Variants in HECW1 observed in about 807,000 individuals in gnomAD.
HECW1 encodes HECT, C2 and WW domain containing E3 ubiquitin protein ligase 1.
Under a neutral mutation model 182.3 loss-of-function variants are expected in HECW1, and 61 were observed. That is an observed-to-expected ratio of 0.33 (90% confidence interval 0.27 to 0.41). HECW1 has a LOEUF of 0.41. HECW1 is among the 10% of genes least tolerant of loss of function. HECW1 has a pLI of 1.00. For synonymous variants in HECW1, 859 were observed against 832.6 expected, an observed-to-expected ratio of 1.03 and a Z score of -0.55; for missense variants, 1,739 against 2,108.9, an observed-to-expected ratio of 0.82 and a Z score of 3.44.
At chr7:43,259,048 A>G (rs1175641267) in intron 3 of HECW1, among the ~76,000 whole-genome samples, 2 of 152,244 alleles carry the variant, frequency 1.3e-5, no homozygotes, top group Non-Finnish European at 2.9e-5. Flanking sequence ...CAAGGAAAAC[A>G]AAACAAACAA....
intron 21 of HECW1, among the ~76,000 whole-genome samples, chr7:43,503,231 G>A (rs1288355421): frequency 2.0e-5 from 3 of 152,144 alleles, no homozygotes; most frequent in Non-Finnish European, 4.4e-5. Context: ...AGCTTTGCTG[G>A]AGCCGACATC....
chr7:43,154,680 C>T (rs1482541246), intron 2 of HECW1, among the ~76,000 whole-genome samples: 4 of 152,098 alleles, frequency 2.6e-5, no homozygotes, highest in Admixed American at 6.5e-5. Context: ...CAAGAAAGCC[C>T]TGTATTCCAG....
intron 2 of HECW1, among the ~76,000 whole-genome samples, chr7:43,165,726 C>A (rs2152662017): frequency 6.6e-6 from 1 of 152,220 alleles, no homozygotes; most frequent in Non-Finnish European, 1.5e-5. Flanking sequence ...ATCATGCCAG[C>A]AGTTGTGAAA....
At chr7:43,487,275 T>C (rs1343993432) in intron 17 of HECW1, among the ~76,000 whole-genome samples, 2 of 152,238 alleles carry the variant, frequency 1.3e-5, no homozygotes, top group African/African-American at 2.4e-5. Context: ...AATTGCAACA[T>C]TGAAGAGCAG....
rs1399335219 is a variant in HECW1, at chr7:43,550,517, G to A, written c.4321G>A (p.Glu1441Lys). 3 of 1,614,012 alleles carry A rather than the reference G, an allele frequency of 1.9e-6. No individual in the cohort carries two copies. The highest frequency in any genetic ancestry group is 3.3e-5 in the Admixed American group (2 of 59,982). ...VTEKNKKEYI[E>K]RMVKWRVERG... ...GGAGAAAAACAAGAAGGAGTACATC[G>A]AGCGCATGGTGAAGTGGCGGGTGGA... The change falls in exon 27 of 30, where the codon GAG (glutamate) becomes AAG (lysine). Residue 1441 changes from glutamate to lysine, a missense_variant. Physicochemically the swap from Glu to Lys is moderately conservative, Grantham distance 56 (BLOSUM62 1). This residue lies in a region of HECW1 where 420 missense variants were observed against 595.7 expected (regional missense o/e 0.71). Transcript: ENST00000395891.
intron 2 of HECW1, among the ~76,000 whole-genome samples, chr7:43,165,239 T>C (rs1003646358): frequency 2.6e-5 from 4 of 152,286 alleles, no homozygotes; most frequent in African/African-American, 7.2e-5. Context: ...AATTTCCCTT[T>C]TTCTTTTCCT....
intron 6 of HECW1, among the ~76,000 whole-genome samples, chr7:43,377,113 A>T (rs1034209572): frequency 2.0e-5 from 3 of 152,234 alleles, no homozygotes; most frequent in African/African-American, 7.2e-5. Flanking sequence ...GATGCCTGGG[A>T]CTGTGCTCTT....
intron 17 of HECW1, among the ~76,000 whole-genome samples, chr7:43,482,424 G>A (rs2078471925): frequency 6.6e-6 from 1 of 152,156 alleles, no homozygotes; most frequent in Admixed American, 6.5e-5. Context: ...CTTGCTATGA[G>A]CACTGTGGAA....
At chr7:43,285,778 AC>A (rs1804565214) in intron 3 of HECW1, among the ~76,000 whole-genome samples, 2 of 151,962 alleles carry the variant, frequency 1.3e-5, no homozygotes, top group African/African-American at 4.9e-5. Flanking sequence ...TGAGTGACAG[AC>A]CCCATCTCAA....
chr7:43,361,835 T>TC (rs1815959156), intron 6 of HECW1, among the ~76,000 whole-genome samples: 1 of 148,160 alleles, frequency 6.7e-6, no homozygotes, highest in East Asian at 1.9e-4. Context: ...TTTTTTTTTT[T>TC]TTTTTTACAT....
intron 2 of HECW1, among the ~76,000 whole-genome samples, chr7:43,141,561 G>T (rs376720812): frequency 6.6e-6 from 1 of 151,866 alleles, no homozygotes. Flanking sequence ...GTGCAATGGC[G>T]CAATCTCAGC....
rs61727601 is a variant in HECW1, at chr7:43,341,307, TATAAATAAATAAATAAATAAATAA to T, written c.461-19559_461-19536del. ...ACATGTACCCTAGAACTTACAGTATTATAAATAAATAAATAAATAAATAAATAAATAAATAAATAAATAGTTACA... is the reference window on the plus strand; with the variant it reads ...ACATGTACCCTAGAACTTACAGTATTATAAATAAATAAATAAATAGTTACA... On this transcript the variant is annotated intron_variant, in intron 5 of 29. Coordinates refer to ENST00000395891, the MANE Select transcript of HECW1 (RefSeq NM_015052.5). Among the ~76,000 whole-genome samples, 18 of 148,680 alleles carry T rather than the reference TATAAATAAATAAATAAATAAATAA, an allele frequency of 1.2e-4. 1 individual carries two copies. The highest frequency in any genetic ancestry group is 5.9e-4 in the East Asian group (3 of 5,094).
intron 6 of HECW1, among the ~76,000 whole-genome samples, chr7:43,381,817 C>A (rs913743929): frequency 2.0e-5 from 3 of 152,062 alleles, no homozygotes; most frequent in Non-Finnish European, 4.4e-5. Context: ...AGCCACCACA[C>A]CTGGCTGATA....
At chr7:43,465,296 G>C (rs2077725416) in intron 14 of HECW1, among the ~76,000 whole-genome samples, 1 of 152,238 alleles carries the variant, frequency 6.6e-6, no homozygotes, top group African/African-American at 2.4e-5. Flanking sequence ...CAGTTCTACA[G>C]GTTGGCAATT....
At chr7:43,269,928 A>G (rs1802203306) in intron 3 of HECW1, among the ~76,000 whole-genome samples, 1 of 152,244 alleles carries the variant, frequency 6.6e-6, no homozygotes, top group South Asian at 2.1e-4. Flanking sequence ...ACAAAGAATT[A>G]TCTGGCTCAA....
intron 2 of HECW1, among the ~76,000 whole-genome samples, chr7:43,178,425 T>C (rs576837910): frequency 9.2e-5 from 14 of 152,208 alleles, no homozygotes; most frequent in Non-Finnish European, 1.6e-4. Context: ...TAGTGTAAGA[T>C]GTATTCCATG....
chr7:43,488,388 AAGGAAGGAAGGAAATG>A (rs1359353534), intron 17 of HECW1, among the ~76,000 whole-genome samples: 2 of 62,156 alleles, frequency 3.2e-5, no homozygotes, highest in African/African-American at 1.1e-4. Context: ...GGAAGGAAGG[AAGGAAGGAAGGAAATG>A]AAAGAAAGAG....
chr7:43,370,615 A>G (rs1040178763), intron 6 of HECW1, among the ~76,000 whole-genome samples: 1 of 152,196 alleles, frequency 6.6e-6, no homozygotes. Flanking sequence ...GATGTCCTTT[A>G]GCAGGCAAGC....
chr7:43,227,658 C>T (rs576159108), intron 2 of HECW1, among the ~76,000 whole-genome samples: 1 of 152,048 alleles, frequency 6.6e-6, no homozygotes, highest in African/African-American at 2.4e-5. Context: ...TTTTTTCTTA[C>T]TTGAAATTAT....
Sources: allele counts gnomAD v4.1 joint callset (sites outside exome capture counted in the v4.1 genomes callset), GRCh38; gene constraint gnomAD v4.1.1; regional missense constraint gnomAD v4.1.1; transcripts MANE v1.5; gene names NCBI Gene and HGNC (gene_info 2026-07-23, HGNC 2026-07-21).